Variants in MITF observed in about 807,000 individuals in gnomAD.
MITF encodes microphthalmia-associated transcription factor.
In MITF, 17 loss-of-function variants were observed where a neutral mutation model predicts 60.5. The ratio of observed to expected loss-of-function variants is 0.28; its 90% confidence interval spans 0.19 to 0.42. The LOEUF (loss-of-function observed/expected upper bound fraction) is 0.42, where lower values mean the gene tolerates loss of function less well. MITF is among the 10% of genes least tolerant of loss of function. The pLI is 1.00. For synonymous variants in MITF, 260 were observed against 248.5 expected (o/e 1.05, Z -0.43); for missense variants, 622 against 683.5 (o/e 0.91, Z 1.00).
chr3:69,840,865 C>T (rs186131221), intron 1 of MITF, among the ~76,000 whole-genome samples: 40 of 151,864 alleles, frequency 2.6e-4, no homozygotes, highest in South Asian at 8.3e-4. Context: ...AAGCAATTCC[C>T]GTGCCTCACC....
chr3:69,879,417 ACT>A (rs2064431593), intron 2 of MITF, 34 bp downstream of exon 2: 2 of 1,613,642 alleles, frequency 1.2e-6, no homozygotes, highest in Non-Finnish European at 1.7e-6. Context: ...GTTGGACCAA[ACT>A]CTCTTCCATT....
chr3:69,898,760 A>C (rs527286327), intron 2 of MITF, among the ~76,000 whole-genome samples: 59 of 152,194 alleles, frequency 3.9e-4, no homozygotes, highest in Admixed American at 1.0e-3. Flanking sequence ...TTGTGTGATC[A>C]CTGTGACCTT....
intron 2 of MITF, among the ~76,000 whole-genome samples, chr3:69,901,222 A>C (rs1157779938): frequency 6.6e-6 from 1 of 152,042 alleles, no homozygotes; most frequent in Non-Finnish European, 1.5e-5. Flanking sequence ...TCAAAAAAAA[A>C]AAAAAAAAAG....
At chr3:69,859,751 T>C (rs966392088) in intron 1 of MITF, among the ~76,000 whole-genome samples, 1 of 152,162 alleles carries the variant, frequency 6.6e-6, no homozygotes, top group African/African-American at 2.4e-5. Flanking sequence ...ACATTCATAT[T>C]CTTATTGTCC....
rs2064270797 is a variant in MITF at position 69,872,921 on chromosome 3, A to G, written c.105-6213A>G. On this transcript the variant is annotated intron_variant, in intron 1 of 9. Transcript: ENST00000352241. ...AGGAGCATTGTCCAGTTGCGACACC[A>G]TGATATCCTGCATGTCTAGCAGCAC... Among the ~76,000 whole-genome samples, 3 of 152,340 alleles carry G rather than the reference A, an allele frequency of 2.0e-5. No homozygotes were observed. The South Asian group carries it at 6.2e-4, about 32-fold the overall frequency.
At chr3:69,816,943 T>A (rs1335644853) in intron 1 of MITF, among the ~76,000 whole-genome samples, 2 of 152,174 alleles carry the variant, frequency 1.3e-5, no homozygotes, top group Non-Finnish European at 2.9e-5. Context: ...CAGTTAATTG[T>A]CACAAATGTG....
intron 1 of MITF, among the ~76,000 whole-genome samples, chr3:69,797,567 G>T (rs1206579136): frequency 2.0e-5 from 3 of 152,078 alleles, no homozygotes; most frequent in Non-Finnish European, 4.4e-5. Context: ...AATTTAGAGA[G>T]CCCATTTCAC....
chr3:69,824,391 G>T (rs941040719), intron 1 of MITF, among the ~76,000 whole-genome samples: 3 of 152,092 alleles, frequency 2.0e-5, no homozygotes, highest in Admixed American at 6.6e-5. Context: ...TATTGCAATT[G>T]CTTCCTCTAG....
intron 1 of MITF, among the ~76,000 whole-genome samples, chr3:69,753,292 G>A (rs62253059): frequency 0.31 from 47,077 of 152,192 alleles, 8,633 homozygotes; most frequent in Non-Finnish European, 0.41. Context: ...CAAGAGCTGG[G>A]GCTTGGGAGC....
chr3:69,796,065 G>T (rs7636802), intron 1 of MITF, among the ~76,000 whole-genome samples: 52,693 of 151,424 alleles, frequency 0.35, 9,916 homozygotes, highest in Non-Finnish European at 0.42. Context: ...CACTGCAGCC[G>T]CCGTCTCCTG....
In MITF at chr3:69,792,736, GCTA is replaced by G. The variant is rs961760216; in HGVS notation, c.104+53038_104+53040del. Among the ~76,000 whole-genome samples, 57 of 151,916 alleles carry G rather than the reference GCTA, an allele frequency of 3.8e-4. 1 individual carries two copies. Among genetic ancestry groups the G allele is most frequent in the Middle Eastern group, 3.4e-3 (1 of 292 alleles). On this transcript the variant is annotated intron_variant, in intron 1 of 9. Coordinates refer to ENST00000352241, the MANE Select transcript of MITF (RefSeq NM_001354604.2). ...AAATCAGTACATTTAGCTCAAAATC[GCTA>G]CTTTTAATGGCTAATTTTTTTAATA...
chr3:69,843,354 A>G (rs1473214958), intron 1 of MITF, among the ~76,000 whole-genome samples: 1 of 152,218 alleles, frequency 6.6e-6, no homozygotes, highest in East Asian at 1.9e-4. Context: ...GGAAATCTGT[A>G]TAATCTCTAC....
At chr3:69,832,702 C>A (rs34162170) in intron 1 of MITF, among the ~76,000 whole-genome samples, 75,774 of 151,672 alleles carry the variant, frequency 0.5, 20,593 homozygotes, top group Non-Finnish European at 0.63. Context: ...TTTTTTGCCT[C>A]GTTACACCAT....
chr3:69,895,180 A>G (rs1440436803), intron 2 of MITF, among the ~76,000 whole-genome samples: 1 of 152,198 alleles, frequency 6.6e-6, no homozygotes, highest in African/African-American at 2.4e-5. Context: ...TGAAAGAAAC[A>G]TTAGGTTTAT....
At chr3:69,843,538 G>T (rs988114236) in intron 1 of MITF, among the ~76,000 whole-genome samples, 1 of 152,072 alleles carries the variant, frequency 6.6e-6, no homozygotes, top group Non-Finnish European at 1.5e-5. Context: ...TTTATTGTAT[G>T]GGGTGTCTGT....
intron 2 of MITF, among the ~76,000 whole-genome samples, chr3:69,887,463 A>G (rs987043566): frequency 6.6e-6 from 1 of 152,024 alleles, no homozygotes; most frequent in Admixed American, 6.6e-5. Flanking sequence ...GTCTCCTTTT[A>G]TTGACTTCTT....
intron 2 of MITF, among the ~76,000 whole-genome samples, chr3:69,888,716 A>G (rs968836581): frequency 1.3e-5 from 2 of 152,126 alleles, no homozygotes; most frequent in African/African-American, 2.4e-5. Context: ...CTTAAACAAA[A>G]GCAATATTGT....
intron 1 of MITF, among the ~76,000 whole-genome samples, chr3:69,810,476 C>T (rs1227780103): frequency 6.6e-6 from 1 of 152,110 alleles, no homozygotes; most frequent in Non-Finnish European, 1.5e-5. Flanking sequence ...GCGGTGTGCT[C>T]AGCTTTTGAA....
intron 2 of MITF, among the ~76,000 whole-genome samples, chr3:69,923,247 A>T (rs980301106): frequency 5.3e-5 from 8 of 152,256 alleles, no homozygotes; most frequent in African/African-American, 1.4e-4. Context: ...TGGGGATAAT[A>T]ACATCTGCTA....
Sources: gnomAD v4.1 joint callset for allele counts (sites outside exome capture counted in the v4.1 genomes callset) on GRCh38, gnomAD v4.1.1 for gene constraint, MANE v1.5 for transcripts, NCBI Gene and HGNC (gene_info 2026-07-23, HGNC 2026-07-21) for gene names.